The following DPF3 variants were observed in gnomAD, a reference collection of about 807,000 sequenced individuals.
DPF3 encodes double PHD fingers 3.
DPF3 carries 18 observed loss-of-function variants against 56.8 expected under a neutral mutation model. The ratio of observed to expected loss-of-function variants is 0.32; its 90% CI spans 0.22 to 0.47. The LOEUF is 0.47. DPF3 is among the 20% of genes least tolerant of loss of function. The pLI, the probability that DPF3 is intolerant of heterozygous loss-of-function variation, is 1.00. For missense variants in DPF3, 403 were observed against 488.8 expected (o/e 0.82, Z 1.65); for synonymous variants, 188 against 180.2 (o/e 1.04, Z -0.35).
chr14:72,863,058 T>TTATATATATATATATA (rs58405648), intron 1 of DPF3, among the ~76,000 whole-genome samples: 28 of 139,866 alleles, frequency 2.0e-4, no homozygotes, highest in South Asian at 7.3e-4. Flanking sequence ...ATTATTCCAT[T>TTATATATATATATATA]TATATATATA....
chr14:72,676,607 G>A (rs1451974404), intron 7 of DPF3, among the ~76,000 whole-genome samples: 5 of 152,182 alleles, frequency 3.3e-5, no homozygotes, highest in Non-Finnish European at 7.3e-5. Context: ...GAATCATGGG[G>A]GCAGGTTTTT....
chr14:72,803,400 G>A (rs1157415249), intron 1 of DPF3, among the ~76,000 whole-genome samples: 4 of 152,206 alleles, frequency 2.6e-5, no homozygotes, highest in Non-Finnish European at 5.9e-5. Flanking sequence ...AAGAGTCTGG[G>A]GAGAGGGAGA....
chr14:72,719,667 G>A (rs986310865), intron 5 of DPF3, among the ~76,000 whole-genome samples: 48 of 152,148 alleles, frequency 3.2e-4, no homozygotes, highest in African/African-American at 1.1e-3. Flanking sequence ...AGTTACCAAA[G>A]ACACAATTAT....
chr14:72,678,810 A>G (rs1887027695), intron 7 of DPF3, among the ~76,000 whole-genome samples: 1 of 152,242 alleles, frequency 6.6e-6, no homozygotes, highest in African/African-American at 2.4e-5. Context: ...AGATCATATA[A>G]GAGATACAAG....
At chr14:72,634,492 T>G (rs1818901701) in intron 8 of DPF3, among the ~76,000 whole-genome samples, 1 of 152,114 alleles carries the variant, frequency 6.6e-6, no homozygotes, top group African/African-American at 2.4e-5. Context: ...CCTAAATGCT[T>G]TGAAAGTAAG....
At chr14:72,776,191 G>A (rs571442576) in intron 1 of DPF3, among the ~76,000 whole-genome samples, 3 of 152,220 alleles carry the variant, frequency 2.0e-5, no homozygotes, top group Admixed American at 2.0e-4. Context: ...GATCCCCAAG[G>A]GATGATTGAT....
At position 72,786,455 on chromosome 14, in the gene DPF3, G is replaced by A. The variant is rs1242539780; in HGVS notation, c.33-14562C>T. 2.0e-5 allele frequency among the ~76,000 whole-genome samples: 3 copies of A among 152,146 alleles called. 1 individual carries two copies. The highest frequency in any genetic ancestry group is 3.8e-4 in the East Asian group (2 of 5,200). ...CCCAGGACTAATTTTTGTAAATAAA[G>A]TTTTATGGGAGGCAAGCCATGCCCA... On this transcript the variant is annotated intron_variant, in intron 1 of 10. Transcript: ENST00000556509.
intron 1 of DPF3, among the ~76,000 whole-genome samples, chr14:72,790,372 T>C (rs1043484489): frequency 6.6e-6 from 1 of 152,238 alleles, no homozygotes; most frequent in Non-Finnish European, 1.5e-5. Flanking sequence ...GTCCCTAGCA[T>C]ATAGTAGGCA....
chr14:72,776,516 G>A (rs1891750600), intron 1 of DPF3, among the ~76,000 whole-genome samples: 1 of 152,104 alleles, frequency 6.6e-6, no homozygotes. Flanking sequence ...TGGACTCCAG[G>A]GGGCCAAAGA....
At position 72,799,379 on chromosome 14, in the gene DPF3, T is replaced by C. The variant is rs575147255; in HGVS notation, c.33-27486A>G. Among the ~76,000 whole-genome samples the C allele has an allele frequency of 1.6e-4, 25 of 152,302 alleles. 1 individual carries two copies. The highest frequency in any genetic ancestry group is 1.4e-3 in the South Asian group (7 of 4,830). The stretch of plus-strand genomic sequence containing the variant: ...CTGGCCAATAAGAAAACCGGCCATG[T>C]TCTAGCCAGCCATGGTGACTCACAC... On this transcript the variant is annotated intron_variant, in intron 1 of 10. Coordinates refer to ENST00000556509, the MANE Select transcript of DPF3 (RefSeq NM_001280542.3).
chr14:72,889,591 C>T lies in DPF3; in HGVS notation c.32+4466G>A, dbSNP rs57436918. Among the ~76,000 whole-genome samples the T allele has an allele frequency of 3.3e-5, 5 of 152,294 alleles. No individual in the cohort carries two copies. In the East Asian group the frequency reaches 9.6e-4, roughly 29 times the overall value. ...GAGGAGATTAGAACCAGGAATGTGACCCCCACCCCTTCCCCTCTGATATCT... is the reference window on the plus strand; with the variant it reads ...GAGGAGATTAGAACCAGGAATGTGATCCCCACCCCTTCCCCTCTGATATCT... On this transcript the variant is annotated intron_variant, in intron 1 of 10. Coordinates refer to ENST00000556509, the MANE Select transcript of DPF3 (RefSeq NM_001280542.3).
chr14:72,864,671 CGGAT>C (rs59858422), intron 1 of DPF3, among the ~76,000 whole-genome samples: 14,049 of 151,096 alleles, frequency 0.093, 956 homozygotes, highest in African/African-American at 0.2. Context: ...CAGTAATTAG[CGGAT>C]GGATGGATGG....
At chr14:72,823,955 C>T (rs1158717591) in intron 1 of DPF3, among the ~76,000 whole-genome samples, 1 of 152,030 alleles carries the variant, frequency 6.6e-6, no homozygotes, top group African/African-American at 2.4e-5. Context: ...TGCATTTGGA[C>T]AAACAGGAAT....
At chr14:72,808,116 G>A (rs780834940) in intron 1 of DPF3, among the ~76,000 whole-genome samples, 62 of 152,186 alleles carry the variant, frequency 4.1e-4, no homozygotes, top group Non-Finnish European at 7.1e-4. Flanking sequence ...TGGGGTAGAG[G>A]TCAGGGATGG....
At chr14:72,795,143 C>T (rs572843365) in intron 1 of DPF3, among the ~76,000 whole-genome samples, 4 of 151,880 alleles carry the variant, frequency 2.6e-5, no homozygotes, top group Non-Finnish European at 1.5e-5. Flanking sequence ...GGTAAGGTCA[C>T]GCTTCTATCT....
intron 8 of DPF3, chr14:72,662,490 TCA>T (rs1886258362): frequency 3.0e-6 from 3 of 984,922 alleles, no homozygotes; most frequent in Non-Finnish European, 3.6e-6. Flanking sequence ...TTGTTTGTGT[TCA>T]GTTATTTCTA....
intron 1 of DPF3, among the ~76,000 whole-genome samples, chr14:72,869,739 C>T (rs983419200): frequency 1.2e-4 from 18 of 152,122 alleles, no homozygotes; most frequent in African/African-American, 3.9e-4. Context: ...CTTGTTATCT[C>T]CTGAAAATGT....
rs115623653 is a variant in DPF3, at chr14:72,765,805, C to T, written c.193+5928G>A. Among the ~76,000 whole-genome samples the T allele has an allele frequency of 6.7e-3, 1,024 of 151,798 alleles. 16 individuals carry two copies. The highest frequency in any genetic ancestry group is 0.024 in the African/African-American group (978 of 41,420). On this transcript the variant is annotated intron_variant, in intron 2 of 10. Coordinates refer to ENST00000556509, the MANE Select transcript of DPF3 (RefSeq NM_001280542.3). ...TACTAAAAATACAAAAATAATTAGC[C>T]GGGGAGGCTGAGGCAGGAGAATGGC...
chr14:72,649,113 A>T (rs1310752061), intron 8 of DPF3, among the ~76,000 whole-genome samples: 1 of 152,008 alleles, frequency 6.6e-6, no homozygotes, highest in Admixed American at 6.6e-5. Context: ...TACACTTGTT[A>T]TTCCCAATTT....
Sources: allele counts gnomAD v4.1 joint callset (sites outside exome capture counted in the v4.1 genomes callset), GRCh38; gene constraint gnomAD v4.1.1; transcripts MANE v1.5; gene names NCBI Gene and HGNC (gene_info 2026-07-23, HGNC 2026-07-21).